The following VASP variants were observed in gnomAD, a reference collection of about 807,000 sequenced individuals.
VASP encodes vasodilator-stimulated phosphoprotein.
In VASP, 27 loss-of-function variants were observed where a neutral mutation model predicts 54.4. The ratio of observed to expected loss-of-function variants is 0.50; its 90% confidence interval spans 0.37 to 0.68. The LOEUF (loss-of-function observed/expected upper bound fraction) is 0.68. VASP is among the 30% of genes least tolerant of loss of function. The pLI is 0.00. For missense variants in VASP, 488 were observed against 528.3 expected (o/e 0.92, Z 0.75); for synonymous variants, 233 against 209.8 (o/e 1.11, Z -0.96).
intron 1 of VASP, among the ~76,000 whole-genome samples, chr19:45,515,209 A>G (rs1292106238): frequency 6.6e-6 from 1 of 152,100 alleles, no homozygotes; most frequent in Non-Finnish European, 1.5e-5. Flanking sequence ...TCCTAGAGAC[A>G]GAGGCTTTGC....
At chr19:45,520,174 T>C (rs1254271119) in intron 3 of VASP, among the ~76,000 whole-genome samples, 2 of 152,180 alleles carry the variant, frequency 1.3e-5, no homozygotes, top group Admixed American at 6.5e-5. Context: ...AGTGCTGAGA[T>C]TACAGGCGCG....
At chr19:45,525,620 C>T (rs1035187769) in intron 11 of VASP, among the ~76,000 whole-genome samples, 3 of 152,094 alleles carry the variant, frequency 2.0e-5, no homozygotes, top group African/African-American at 7.2e-5. Flanking sequence ...ATCGCTTGAA[C>T]CCGGGAGCCA....
At chr19:45,517,632 C>T (rs80016077) in intron 1 of VASP, 31 bp from the exon 2 acceptor site, 21,905 of 1,593,512 alleles carry the variant, frequency 0.014, 168 homozygotes, top group Middle Eastern at 0.022. Flanking sequence ...AGAAGGTGAC[C>T]GGCCCCTCTC....
chr19:45,516,128 T>C (rs758762), intron 1 of VASP, among the ~76,000 whole-genome samples: 119,913 of 152,176 alleles, frequency 0.79, 47,642 homozygotes, highest in African/African-American at 0.9. Context: ...TCCTTCAGGG[T>C]ACCCCCAGAC....
chr19:45,525,235 C>T (rs1356900173), intron 11 of VASP, among the ~76,000 whole-genome samples: 1 of 151,914 alleles, frequency 6.6e-6, no homozygotes, highest in East Asian at 1.9e-4. Flanking sequence ...GGGGCAACAT[C>T]GGGAGACCCC....
intron 1 of VASP, among the ~76,000 whole-genome samples, chr19:45,511,842 A>T (rs371476743): frequency 5.4e-4 from 83 of 152,364 alleles, no homozygotes; most frequent in African/African-American, 1.9e-3. Flanking sequence ...TATGCCTGTA[A>T]TCCCAGCACT....
chr19:45,525,391 C>T (rs567057898), intron 11 of VASP, among the ~76,000 whole-genome samples: 3 of 152,192 alleles, frequency 2.0e-5, no homozygotes, highest in Admixed American at 1.3e-4. Flanking sequence ...TGGTGAAACC[C>T]ATCGCTACTA....
chr19:45,526,221 G>C lies in VASP; in HGVS notation c.*44G>C, dbSNP rs1284271813. ...CCCGCTTCTCCTTTCCGCACACCCG[G>C]CCTGTCACCCTGCTTTCCCTGCCTC... On this transcript the variant is annotated 3_prime_UTR_variant, in exon 13 of 13. Transcript: ENST00000245932. 2 of 1,582,310 alleles carry C rather than the reference G, an allele frequency of 1.3e-6. No homozygotes were observed. Among genetic ancestry groups the C allele is most frequent in the Non-Finnish European group, 1.7e-6 (2 of 1,169,708 alleles).
intron 1 of VASP, among the ~76,000 whole-genome samples, chr19:45,513,388 G>T (rs765322245): frequency 1.3e-4 from 20 of 151,842 alleles, no homozygotes; most frequent in Non-Finnish European, 2.9e-4. Context: ...GGGACTACAG[G>T]CAAGCGCCAC....
In VASP at chr19:45,522,183, G is replaced by T. The variant is rs559315697; in HGVS notation, c.444G>T (p.Pro148=). The T allele has an allele frequency of 5.0e-6, 8 of 1,614,058 alleles. No individual in the cohort carries two copies. The highest frequency in any genetic ancestry group is 2.7e-5 in the African/African-American group (2 of 75,056). ...VEQQKRQQPG[P]SEHIERRVSN... is the part of the protein sequence containing the mutation. ...CCCCCCACAGGCAGCAGCCCGGCCCGTCGGAGCACATAGAGCGCCGGGTCT... is the reference window on the plus strand; with the variant it reads ...CCCCCCACAGGCAGCAGCCCGGCCCTTCGGAGCACATAGAGCGCCGGGTCT... The change falls in exon 5 of 13, where the codon CCG becomes CCT. Residue 148 remains proline, a synonymous_variant. Coordinates refer to ENST00000245932, the MANE Select transcript of VASP (RefSeq NM_003370.4).
chr19:45,512,807 C>G (rs1243764189), intron 1 of VASP, among the ~76,000 whole-genome samples: 13 of 151,838 alleles, frequency 8.6e-5, no homozygotes, highest in Non-Finnish European at 1.6e-4. Context: ...CGCTATGTTG[C>G]CCAGACTGGT....
chr19:45,509,437 C>T (rs1195503882), intron 1 of VASP, among the ~76,000 whole-genome samples: 2 of 151,912 alleles, frequency 1.3e-5, no homozygotes, highest in African/African-American at 4.8e-5. Context: ...AGGCGGATGG[C>T]GGATGTCCGA....
intron 1 of VASP, among the ~76,000 whole-genome samples, chr19:45,515,149 T>C (rs7256865): frequency 6.6e-6 from 1 of 152,088 alleles, no homozygotes; most frequent in African/African-American, 2.4e-5. Flanking sequence ...GCCTAGGGAC[T>C]TTCCCTGCCC....
At position 45,514,327 on chromosome 19, in the gene VASP, G is replaced by T. The variant is rs180966055; in HGVS notation, c.6-3336G>T. On this transcript the variant is annotated intron_variant, in intron 1 of 12. Coordinates refer to ENST00000245932, the MANE Select transcript of VASP (RefSeq NM_003370.4). ...CTGGAGAGAACTTGGCATTGATTCC[G>T]TAGGAGCCTGGAGCCTTCAAGAAGA... Among the ~76,000 whole-genome samples the T allele has an allele frequency of 4.7e-4, 71 of 152,238 alleles. No individual in the cohort carries two copies. The Middle Eastern group carries it at 0.01, about 22-fold the overall frequency.
Position 45,517,838 on chromosome 19 carries a change from C to T in VASP, c.177+4C>T. The T allele has an allele frequency of 1.2e-6, 2 of 1,612,250 alleles. No homozygotes were observed. Among genetic ancestry groups the T allele is most frequent in the Middle Eastern group, 1.7e-4 (1 of 6,042 alleles). ...GAAGATGCAGCCCGACCAGCAGGTG[C>T]AGCTTCCCGCCGGCCCCCTCTGTGG... is the stretch of plus-strand genomic sequence containing the variant. On this transcript the variant is annotated splice_donor_region_variant and intron_variant, in intron 2 of 12. Transcript: ENST00000245932.
At position 45,522,434 on chromosome 19, in the gene VASP, G is replaced by A. The variant is rs537273674; in HGVS notation, c.573G>A (p.Ser191=). 4.2e-4 allele frequency: 632 copies of A among 1,520,030 alleles called. 4 individuals are homozygous for A. In the African/African-American group the frequency reaches 5.1e-3, roughly 12 times the overall value. 94.2% of individuals were successfully genotyped at this position (1,520,030 alleles called of 1,614,324 possible). ...CCCCACCCCCAGGTTTGCCCCCTTC[G>A]GGGGTCCCAGCTGCAGCGCACGGAG... is the stretch of plus-strand genomic sequence containing the variant. The part of the protein sequence containing the change: ...GPPPPPGLPP[S]GVPAAAHGAG... The change falls in exon 6 of 13, where the codon TCG becomes TCA. Residue 191 remains serine, a synonymous_variant. Transcript: ENST00000245932.
chr19:45,517,460 A>G (rs1429429563), intron 1 of VASP, among the ~76,000 whole-genome samples: 1 of 148,830 alleles, frequency 6.7e-6, no homozygotes, highest in South Asian at 2.1e-4. Context: ...TGTCTCTTGC[A>G]TCTCGTTTGT....
intron 4 of VASP, 40 bp from the exon 5 acceptor site, chr19:45,522,128 G>A (rs1416527342): frequency 2.5e-6 from 4 of 1,612,318 alleles, no homozygotes; most frequent in Non-Finnish European, 3.4e-6. Context: ...GCCATCCTTA[G>A]GGCCCTGATT....
chr19:45,514,004 T>C (rs187439773), intron 1 of VASP, among the ~76,000 whole-genome samples: 194 of 152,206 alleles, frequency 1.3e-3, no homozygotes, highest in African/African-American at 4.4e-3. Context: ...CAGACAAATA[T>C]TGTGTTGGGC....
Sources: gnomAD v4.1 joint callset for allele counts (sites outside exome capture counted in the v4.1 genomes callset) on GRCh38, gnomAD v4.1.1 for gene constraint, MANE v1.5 for transcripts, NCBI Gene and HGNC (gene_info 2026-07-23, HGNC 2026-07-21) for gene names.